The following EBF1 variants were observed in gnomAD, a reference collection of about 807,000 sequenced individuals.
EBF1 encodes the protein transcription factor COE1.
EBF1 carries 10 observed loss-of-function variants against 68.4 expected under a neutral mutation model. That is an observed-to-expected ratio of 0.15 (90% CI 0.09 to 0.25). The LOEUF (loss-of-function observed/expected upper bound fraction) is 0.25. Among genes scored for constraint, EBF1 ranks in the 10% least tolerant of loss-of-function variants. EBF1 has a pLI of 1.00. For synonymous variants in EBF1, 298 were observed against 299.8 expected (o/e 0.99, Z 0.06); for missense variants, 509 against 794.4 (o/e 0.64, Z 4.32).
rs571541826 is a variant in EBF1 at position 158,799,452 on chromosome 5, A to G, written c.779-2977T>C. On this transcript the variant is annotated intron_variant, in intron 8 of 15. Transcript: ENST00000313708. ...ATAAATTAATTAATTAAATTAAATT[A>G]AAGAATGCTAAGTATCCAACAATGC... Among the ~76,000 whole-genome samples the G allele has an allele frequency of 1.8e-4, 28 of 152,266 alleles. No individual in the cohort carries two copies. In the South Asian group the frequency reaches 5.6e-3, roughly 30 times the overall value.
intron 6 of EBF1, among the ~76,000 whole-genome samples, chr5:158,844,490 C>T (rs1791021842): frequency 6.6e-6 from 1 of 152,070 alleles, no homozygotes; most frequent in Non-Finnish European, 1.5e-5. Flanking sequence ...ATGTGTTTTC[C>T]ATGAACTCTA....
chr5:158,839,909 G>C, intron 7 of EBF1, 120 bp downstream of exon 7: 1 of 872,578 alleles, frequency 1.1e-6, no homozygotes, highest in Non-Finnish European at 1.9e-6. Flanking sequence ...GGGGGACCAA[G>C]GGCCTCAGCT....
chr5:158,792,380 T>C (rs1333946140), intron 9 of EBF1, among the ~76,000 whole-genome samples: 1 of 152,130 alleles, frequency 6.6e-6, no homozygotes, highest in African/African-American at 2.4e-5. Context: ...TTCCCACCCC[T>C]CAGGGGGTGA....
intron 6 of EBF1, among the ~76,000 whole-genome samples, chr5:158,978,779 T>TACACAC (rs373321443): frequency 7.7e-6 from 1 of 130,172 alleles, no homozygotes; most frequent in Admixed American, 8.2e-5. Context: ...GAATTGAAGA[T>TACACAC]ACACACACAC....
At chr5:159,093,340 A>G (rs1781989440) in intron 4 of EBF1, among the ~76,000 whole-genome samples, 1 of 152,224 alleles carries the variant, frequency 6.6e-6, no homozygotes, top group South Asian at 2.1e-4. Context: ...GATATTTTTT[A>G]GACTTAGATA....
intron 6 of EBF1, among the ~76,000 whole-genome samples, chr5:158,943,765 G>C (rs188619882): frequency 6.6e-6 from 1 of 152,156 alleles, no homozygotes; most frequent in Non-Finnish European, 1.5e-5. Context: ...GGCAGGGGGC[G>C]CCAGGGACCC....
chr5:158,978,797 TACACAC>T (rs57930371), intron 6 of EBF1, among the ~76,000 whole-genome samples: 29,997 of 142,900 alleles, frequency 0.21, 3,431 homozygotes, highest in South Asian at 0.49. Context: ...CACACACACA[TACACAC>T]ACACACACAC....
intron 10 of EBF1, among the ~76,000 whole-genome samples, chr5:158,748,450 G>T (rs1269298016): frequency 1.3e-5 from 2 of 152,152 alleles, no homozygotes; most frequent in East Asian, 1.9e-4. Context: ...TGCTCTTCCT[G>T]GGGAGTCTTT....
intron 6 of EBF1, among the ~76,000 whole-genome samples, chr5:159,034,993 C>A (rs1285712142): frequency 6.6e-6 from 1 of 152,118 alleles, no homozygotes; most frequent in Non-Finnish European, 1.5e-5. Context: ...TGCAAGAGAA[C>A]ATCAAGGATT....
At chr5:158,791,563 G>A (rs1355529690) in intron 9 of EBF1, among the ~76,000 whole-genome samples, 1 of 151,174 alleles carries the variant, frequency 6.6e-6, no homozygotes, top group Non-Finnish European at 1.5e-5. Flanking sequence ...TGCTCCCCAC[G>A]AAACCCACCA....
intron 8 of EBF1, among the ~76,000 whole-genome samples, chr5:158,797,911 T>C (rs1407516354): frequency 1.3e-5 from 2 of 152,180 alleles, no homozygotes; most frequent in African/African-American, 2.4e-5. Context: ...GACTTGACAT[T>C]TCTTGTCTGA....
At chr5:158,703,058 G>A (rs1246581247) in intron 15 of EBF1, among the ~76,000 whole-genome samples, 2 of 152,150 alleles carry the variant, frequency 1.3e-5, no homozygotes, top group Admixed American at 6.5e-5. Flanking sequence ...ATCAGCGGGG[G>A]TTCCAATGGC....
chr5:158,970,559 A>T (rs954804048), intron 6 of EBF1, among the ~76,000 whole-genome samples: 13 of 152,182 alleles, frequency 8.5e-5, no homozygotes, highest in African/African-American at 2.9e-4. Flanking sequence ...CTGCTTCAAG[A>T]GGGTTGGCTT....
intron 6 of EBF1, among the ~76,000 whole-genome samples, chr5:158,935,930 G>T (rs1369594369): frequency 6.6e-6 from 1 of 152,140 alleles, no homozygotes. Context: ...CTTTGCACTG[G>T]GTGGCCATTG....
rs139138331 is a variant in EBF1 at position 158,736,936 on chromosome 5, C to A, written c.1037-5779G>T. Among the ~76,000 whole-genome samples the A allele has an allele frequency of 6.4e-3, 979 of 152,310 alleles. 33 individuals are homozygous for A. The highest frequency in any genetic ancestry group is 0.059 in the Admixed American group (900 of 15,294). On this transcript the variant is annotated intron_variant, in intron 10 of 15. Transcript: ENST00000313708. ...ACGAGGAAATTTGTTGCATTTCCAGCCATTTGGATATTTCATTACCTGCCT... is the reference window on the plus strand; with the variant it reads ...ACGAGGAAATTTGTTGCATTTCCAGACATTTGGATATTTCATTACCTGCCT...
chr5:158,715,059 CT>C (rs1161711859), intron 11 of EBF1, among the ~76,000 whole-genome samples: 2 of 152,120 alleles, frequency 1.3e-5, no homozygotes, highest in African/African-American at 2.4e-5. Flanking sequence ...TCATTTTTCC[CT>C]AATTTTCTTC....
chr5:158,754,842 AACTCT>A (rs1382206217), intron 10 of EBF1, among the ~76,000 whole-genome samples: 4 of 152,142 alleles, frequency 2.6e-5, no homozygotes, highest in African/African-American at 7.2e-5. Flanking sequence ...GAATATTGGA[AACTCT>A]ACTCAATTCA....
chr5:158,839,819 C>T (rs80053767), intron 7 of EBF1, among the ~76,000 whole-genome samples: 6,569 of 152,214 alleles, frequency 0.043, 477 homozygotes, highest in African/African-American at 0.15. Context: ...TCAAAGAACA[C>T]CATTGTTTCC....
chr5:158,744,151 CA>C (rs1177499806), intron 10 of EBF1, among the ~76,000 whole-genome samples: 10 of 145,114 alleles, frequency 6.9e-5, no homozygotes, highest in East Asian at 2.0e-4. Context: ...GAGACACTGT[CA>C]AAAAAAAAAC....
Sources: allele counts gnomAD v4.1 joint callset (sites outside exome capture counted in the v4.1 genomes callset), GRCh38; gene constraint gnomAD v4.1.1; transcripts MANE v1.5; gene names NCBI Gene and HGNC (gene_info 2026-07-23, HGNC 2026-07-21).